PDE4D: variants seen among roughly 807,000 people sequenced by gnomAD.
PDE4D encodes the protein 3',5'-cyclic-AMP phosphodiesterase 4D.
In PDE4D, 24 loss-of-function variants were observed where a neutral mutation model predicts 87.4. That is an observed-to-expected ratio of 0.27 (90% CI 0.20 to 0.39). PDE4D has a LOEUF of 0.39. PDE4D is among the 10% of genes least tolerant of loss of function. The pLI is 1.00. For missense variants in PDE4D, 714 were observed against 1,041.0 expected, an observed-to-expected ratio of 0.69 and a Z score of 4.32; for synonymous variants, 384 against 383.2, an observed-to-expected ratio of 1.00 and a Z score of -0.02.
chr5:60,317,254 G>T (rs1356282217), intron 1 of PDE4D, among the ~76,000 whole-genome samples: 1 of 152,116 alleles, frequency 6.6e-6, no homozygotes, highest in Non-Finnish European at 1.5e-5. Context: ...ATTTCTTCTA[G>T]ATTTTCTAGT....
intron 1 of PDE4D, among the ~76,000 whole-genome samples, chr5:59,304,080 T>C (rs181521552): frequency 3.2e-4 from 48 of 152,294 alleles, no homozygotes; most frequent in Middle Eastern, 3.4e-3. Context: ...CAGTGTTTTG[T>C]AGTTTTCCTT....
chr5:59,188,310 T>C (rs149276301), intron 3 of PDE4D, among the ~76,000 whole-genome samples: 302 of 152,288 alleles, frequency 2.0e-3, no homozygotes, highest in African/African-American at 6.7e-3. Context: ...ATGTCAAAAT[T>C]ACATTGGGAA....
At chr5:60,472,881 C>A (rs1223074270) in intron 1 of PDE4D, among the ~76,000 whole-genome samples, 1 of 152,140 alleles carries the variant, frequency 6.6e-6, no homozygotes, top group Non-Finnish European at 1.5e-5. Context: ...TTTTCCCCAA[C>A]TGCAAGCTAA....
intron 2 of PDE4D, among the ~76,000 whole-genome samples, chr5:60,042,493 C>A (rs1768639018): frequency 6.6e-6 from 1 of 152,212 alleles, no homozygotes; most frequent in African/African-American, 2.4e-5. Flanking sequence ...CCCGTGCCTC[C>A]TGACTGGGAG....
chr5:59,771,462 A>AAAGAGAGAGAGAGAGAG (rs1561636945), intron 1 of PDE4D, among the ~76,000 whole-genome samples: 1 of 78,808 alleles, frequency 1.3e-5, no homozygotes, highest in Admixed American at 1.2e-4. Flanking sequence ...AGAAAGAAAG[A>AAAGAGAGAGAGAGAGAG]AAGAAAGAAA....
intron 1 of PDE4D, among the ~76,000 whole-genome samples, chr5:60,337,351 C>CTATATATATATATATA (rs748923956): frequency 1.4e-3 from 86 of 62,206 alleles, no homozygotes; most frequent in African/African-American, 2.1e-3. Context: ...AACAAACAAA[C>CTATATATATATATATA]TATATATATA....
chr5:59,310,183 A>AAT (rs1772294975), intron 1 of PDE4D, among the ~76,000 whole-genome samples: 1 of 152,176 alleles, frequency 6.6e-6, no homozygotes, highest in Non-Finnish European at 1.5e-5. Context: ...CAAAGACTGG[A>AAT]GACCTTCATT....
chr5:60,483,669 C>CA (rs1335198880), intron 1 of PDE4D, among the ~76,000 whole-genome samples: 1 of 152,050 alleles, frequency 6.6e-6, no homozygotes, highest in South Asian at 2.1e-4. Context: ...ACCAAAGGCA[C>CA]AAAAAAGTCA....
chr5:60,077,427 C>T (rs1773425361), intron 2 of PDE4D, among the ~76,000 whole-genome samples: 1 of 152,168 alleles, frequency 6.6e-6, no homozygotes, highest in African/African-American at 2.4e-5. Flanking sequence ...GCAGGGACTG[C>T]TATGCTGGAG....
At chr5:59,150,756 G>A (rs1436025500) in intron 5 of PDE4D, among the ~76,000 whole-genome samples, 1 of 152,094 alleles carries the variant, frequency 6.6e-6, no homozygotes, top group Non-Finnish European at 1.5e-5. Flanking sequence ...CATTGTATTT[G>A]TAAATTTGTA....
intron 1 of PDE4D, among the ~76,000 whole-genome samples, chr5:59,291,744 T>TG (rs200449207): frequency 0.013 from 1,961 of 150,638 alleles, 30 homozygotes; most frequent in Middle Eastern, 0.027. Flanking sequence ...AGAAGTTTTT[T>TG]TTTTTTTTTT....
At chr5:60,039,929 A>C (rs1582312191) in intron 2 of PDE4D, among the ~76,000 whole-genome samples, 1 of 152,310 alleles carries the variant, frequency 6.6e-6, no homozygotes, top group East Asian at 1.9e-4. Flanking sequence ...ATTCCTGAAC[A>C]TATTTATTGT....
intron 1 of PDE4D, among the ~76,000 whole-genome samples, chr5:60,351,738 A>ATAGT (rs920268378): frequency 6.6e-6 from 1 of 152,042 alleles, no homozygotes; most frequent in Admixed American, 6.6e-5. Flanking sequence ...GAAGCAATGA[A>ATAGT]TAGTCTCTCA....
chr5:59,813,679 A>G (rs372375410), intron 1 of PDE4D, among the ~76,000 whole-genome samples: 4 of 152,226 alleles, frequency 2.6e-5, no homozygotes, highest in African/African-American at 9.6e-5. Context: ...AAAATACTGT[A>G]TTCACAAAAG....
intron 2 of PDE4D, among the ~76,000 whole-genome samples, chr5:60,069,460 AT>A (rs1189874781): frequency 6.6e-6 from 1 of 152,100 alleles, no homozygotes; most frequent in Non-Finnish European, 1.5e-5. Flanking sequence ...AGTTTATGGT[AT>A]TTTATTATAG....
chr5:60,501,945 T>C (rs936177482), intron 1 of PDE4D, among the ~76,000 whole-genome samples: 2 of 152,212 alleles, frequency 1.3e-5, no homozygotes, highest in African/African-American at 4.8e-5. Flanking sequence ...TCTCCCATCC[T>C]GTAGGTTGCT....
chr5:60,441,636 C>T (rs953651464), intron 1 of PDE4D, among the ~76,000 whole-genome samples: 3 of 152,158 alleles, frequency 2.0e-5, no homozygotes, highest in Non-Finnish European at 2.9e-5. Flanking sequence ...AAACTATCAT[C>T]AGAGTGAACA....
chr5:59,762,893 A>ATATG (rs70975330), intron 1 of PDE4D, among the ~76,000 whole-genome samples: 2 of 105,906 alleles, frequency 1.9e-5, no homozygotes, highest in African/African-American at 6.9e-5. Flanking sequence ...ATATATATAT[A>ATATG]GCTTGCTCTT....
chr5:59,574,414 T>C (rs1380325193), intron 1 of PDE4D, among the ~76,000 whole-genome samples: 1 of 151,644 alleles, frequency 6.6e-6, no homozygotes, highest in East Asian at 1.9e-4. Flanking sequence ...AATTAAATAA[T>C]GTATTATCTC....
Sources: gnomAD v4.1 joint callset for allele counts (sites outside exome capture counted in the v4.1 genomes callset) on GRCh38, gnomAD v4.1.1 for gene constraint, MANE v1.5 for transcripts, NCBI Gene and HGNC (gene_info 2026-07-23, HGNC 2026-07-21) for gene names.